FKBP6: variants seen among roughly 807,000 people sequenced by gnomAD.
FKBP6 encodes FKBP prolyl isomerase family member 6 (inactive).
In FKBP6, 29 loss-of-function variants were observed where a neutral mutation model predicts 41.7. That is an observed-to-expected ratio of 0.70 (90% CI 0.52 to 0.95). The LOEUF is 0.95. Ranked by LOEUF, FKBP6 falls within the 40% of genes least tolerant of loss-of-function variation. The pLI is 0.00. For missense variants in FKBP6, 338 were observed against 408.7 expected, an observed-to-expected ratio of 0.83 and a Z score of 1.49; for synonymous variants, 130 against 165.1, an observed-to-expected ratio of 0.79 and a Z score of 1.63.
rs1411357406 is a variant in FKBP6 at position 73,332,953 on chromosome 7, T to A, written c.588+1177T>A. On this transcript the variant is annotated intron_variant, in intron 5 of 8. Coordinates refer to ENST00000252037, the MANE Select transcript of FKBP6 (RefSeq NM_003602.5). Reference sequence around the variant, plus strand: ...TTGTGTAGGTTATGCTGAGCTGTTTTCTGTTTCCTTTTTAATTTTATTCAT... The same window carrying A: ...TTGTGTAGGTTATGCTGAGCTGTTTACTGTTTCCTTTTTAATTTTATTCAT... Among the ~76,000 whole-genome samples the A allele has an allele frequency of 2.6e-5, 4 of 152,132 alleles. No individual in the cohort carries two copies. In the East Asian group the frequency reaches 7.7e-4, roughly 29 times the overall value.
intron 8 of FKBP6, among the ~76,000 whole-genome samples, chr7:73,353,737 C>CTTT (rs143724446): frequency 6.9e-6 from 1 of 144,542 alleles, no homozygotes; most frequent in Non-Finnish European, 1.5e-5. Context: ...TTTTTTTCTT[C>CTTT]TTTTTTTTTT....
In FKBP6 at chr7:73,330,269, C is replaced by G. The variant is rs782138155; in HGVS notation, c.385C>G (p.Pro129Ala). The change falls in exon 4 of 9, where the codon CCA becomes GCA. Residue 129 changes from proline to alanine, a missense_variant. Transcript: ENST00000252037. ...GCTGGGCTGCCCTCCCTTGATCCCCCCAAACACCACTGTCCTGTTTGAGAT... is the reference window on the plus strand; with the variant it reads ...GCTGGGCTGCCCTCCCTTGATCCCCGCAAACACCACTGTCCTGTTTGAGAT... ...GTLGCPPLIP[P>A]NTTVLFEIEL... 14 of 1,613,988 alleles carry G rather than the reference C, an allele frequency of 8.7e-6. No homozygotes were observed. Among genetic ancestry groups the G allele is most frequent in the East Asian group, 4.5e-5 (2 of 44,888 alleles).
intron 5 of FKBP6, among the ~76,000 whole-genome samples, chr7:73,337,556 C>T (rs190307941): frequency 5.3e-5 from 8 of 151,926 alleles, no homozygotes; most frequent in Non-Finnish European, 7.4e-5. Context: ...TCAGGTGATC[C>T]GCCCGCCTCG....
intron 4 of FKBP6, among the ~76,000 whole-genome samples, chr7:73,330,726 GC>G (rs1804814843): frequency 6.6e-6 from 1 of 152,190 alleles, no homozygotes; most frequent in African/African-American, 2.4e-5. Flanking sequence ...TGATTGTCCA[GC>G]CCAGCACAGG....
Position 73,351,602 on chromosome 7 carries a change from T to A in FKBP6, c.*3-6579T>A, listed in dbSNP as rs138774897. ...CTATAAATACCTCAACTTCGGTGGC[T>A]GCCTTTTCATCATACCCCTTCCTGG... On this transcript the variant is annotated intron_variant, in intron 8 of 8. Coordinates refer to ENST00000252037, the MANE Select transcript of FKBP6 (RefSeq NM_003602.5). Among the ~76,000 whole-genome samples the A allele has an allele frequency of 2.7e-3, 412 of 152,280 alleles. 4 individuals carry two copies. Among genetic ancestry groups the A allele is most frequent in the African/African-American group, 9.5e-3 (395 of 41,558 alleles).
At chr7:73,353,531 G>A (rs1404268915) in intron 8 of FKBP6, among the ~76,000 whole-genome samples, 1 of 152,124 alleles carries the variant, frequency 6.6e-6, no homozygotes, top group Non-Finnish European at 1.5e-5. Flanking sequence ...GGTGGCTGGG[G>A]CCTGATGGAC....
At chr7:73,350,801 C>T (rs770526591) in intron 8 of FKBP6, among the ~76,000 whole-genome samples, 21 of 152,200 alleles carry the variant, frequency 1.4e-4, no homozygotes, top group Non-Finnish European at 8.8e-5. Context: ...GTGCCAATGC[C>T]GAGGCCACAG....
chr7:73,341,164 T>TC (rs1371677214), intron 6 of FKBP6, 109 bp from the exon 7 acceptor site: 2 of 827,086 alleles, frequency 2.4e-6, no homozygotes, highest in Non-Finnish European at 4.3e-6. Context: ...CCTCAGTTGA[T>TC]CCGCCCGCCT....
At chr7:73,333,285 AC>A (rs1168677087) in intron 5 of FKBP6, among the ~76,000 whole-genome samples, 1 of 151,892 alleles carries the variant, frequency 6.6e-6, no homozygotes, top group African/African-American at 2.4e-5. Context: ...AAAAAAAAAA[AC>A]AAAACACCAC....
Position 73,328,414 on chromosome 7 carries a change from G to A in FKBP6, c.-15G>A. 1.9e-6 allele frequency: 3 copies of A among 1,567,340 alleles called. No individual in the cohort carries two copies. Among genetic ancestry groups the A allele is most frequent in the Non-Finnish European group, 2.6e-6 (3 of 1,156,964 alleles). On this transcript the variant is annotated 5_prime_UTR_variant, in exon 1 of 9. Transcript: ENST00000252037. Reference sequence around the variant, plus strand: ...CCAGGCCGAAGGCTCACGCCACAGGGAGGGCAGCTAGGACATGGGGGGAAG... The same window carrying A: ...CCAGGCCGAAGGCTCACGCCACAGGAAGGGCAGCTAGGACATGGGGGGAAG...
intron 3 of FKBP6, chr7:73,329,653 ACT>A: frequency 1.6e-6 from 1 of 612,228 alleles, no homozygotes; most frequent in South Asian, 1.9e-5. Flanking sequence ...TAATCTTTGC[ACT>A]CTGACTTAAC....
In FKBP6 at chr7:73,340,671, C is replaced by G. The variant is rs781811698; in HGVS notation, c.622C>G (p.Pro208Ala). 3 of 1,613,896 alleles carry G rather than the reference C, an allele frequency of 1.9e-6. No individual in the cohort carries two copies. The highest frequency in any genetic ancestry group is 1.1e-5 in the South Asian group (1 of 91,050). Residue 208 changes from proline (P) to alanine (A), a missense_variant, in exon 6 of 9, where the codon CCT becomes GCT. Physicochemically the swap from Pro to Ala is conservative, Grantham distance 27 (BLOSUM62 -1). Around this residue, in one of 2 missense-constraint regions of FKBP6, gnomAD observed 239 missense variants for 250.1 expected, o/e 0.96. Coordinates refer to ENST00000252037, the MANE Select transcript of FKBP6 (RefSeq NM_003602.5). ...GCTTCTGCGCCGGCGATCAGCACCC[C>G]CTGAAGAGCAGCACCTGGTGGAGGC... ...LLLLRRRSAP[P>A]EEQHLVEAAK...
chr7:73,340,794 G>T lies in FKBP6; in HGVS notation c.745G>T (p.Asp249Tyr). 6.2e-7 allele frequency: 1 copy of T among 1,613,926 alleles called. No individual in the cohort carries two copies. Among genetic ancestry groups the T allele is most frequent in the South Asian group, 1.1e-5 (1 of 91,048 alleles). ...LCYGEQALII[D>Y]QKNAKALFRC... ...CTATGGAGAGCAGGCTTTGATCATT[G>T]ACCAAAAGAATGCCAAGGCCCTCTT... The change falls in exon 6 of 9, where the codon GAC (aspartate) becomes TAC (tyrosine). Residue 249 changes from aspartate to tyrosine, a missense_variant. This residue lies in a region of FKBP6 where 239 missense variants were observed against 250.1 expected (regional missense o/e 0.96). Coordinates refer to ENST00000252037, the MANE Select transcript of FKBP6 (RefSeq NM_003602.5).
At chr7:73,335,121 C>G (rs1210078799) in intron 5 of FKBP6, among the ~76,000 whole-genome samples, 4 of 139,132 alleles carry the variant, frequency 2.9e-5, no homozygotes, top group Non-Finnish European at 6.1e-5. Flanking sequence ...TCTGGTTGTA[C>G]GTGTTCCTGG....
At chr7:73,342,013 T>A (rs1185575173) in intron 7 of FKBP6, among the ~76,000 whole-genome samples, 2 of 151,918 alleles carry the variant, frequency 1.3e-5, no homozygotes, top group Admixed American at 6.6e-5. Context: ...CCCTGCGTGC[T>A]CCACCAAGAA....
intron 8 of FKBP6, among the ~76,000 whole-genome samples, chr7:73,343,154 ATTTG>A (rs1389946986): frequency 8.0e-5 from 12 of 150,912 alleles, no homozygotes; most frequent in Non-Finnish European, 1.2e-4. Flanking sequence ...TTATTTATTT[ATTTG>A]TTTGTTTGTT....
chr7:73,356,820 A>T (rs1020645434), intron 8 of FKBP6, among the ~76,000 whole-genome samples: 6 of 152,102 alleles, frequency 3.9e-5, no homozygotes, highest in Non-Finnish European at 8.8e-5. Context: ...CACTCTTGTC[A>T]CCCAGGCTGG....
chr7:73,356,998 T>G (rs1805650488), intron 8 of FKBP6, among the ~76,000 whole-genome samples: 1 of 152,032 alleles, frequency 6.6e-6, no homozygotes, highest in Non-Finnish European at 1.5e-5. Context: ...CCAGGCTGAT[T>G]TTGAACTCCT....
At position 73,358,240 on chromosome 7, in the gene FKBP6, G is replaced by C. The variant is rs931623394; in HGVS notation, c.*62G>C. 2 of 152,152 alleles carry C rather than the reference G, an allele frequency of 1.3e-5. No individual in the cohort carries two copies. Among genetic ancestry groups the C allele is most frequent in the Non-Finnish European group, 2.9e-5 (2 of 68,046 alleles). 9.4% of individuals were successfully genotyped at this position (152,152 alleles called of 1,614,324 possible). A position where few individuals can be genotyped will look rare whatever the true frequency, so the allele number is the denominator to read the frequency against. ...GTTCTCCATCATTGGGGGAGTGGAA[G>C]GGAGCTCCCAGCGCAGCCGTGGCAG... is the stretch of plus-strand genomic sequence containing the variant. On this transcript the variant is annotated 3_prime_UTR_variant, in exon 9 of 9. Transcript: ENST00000252037.
Sources: allele counts gnomAD v4.1 joint callset (sites outside exome capture counted in the v4.1 genomes callset), GRCh38; gene constraint gnomAD v4.1.1; regional missense constraint gnomAD v4.1.1; transcripts MANE v1.5; gene names NCBI Gene and HGNC (gene_info 2026-07-23, HGNC 2026-07-21).